The following BRINP3 variants were observed in gnomAD, a reference collection of about 807,000 sequenced individuals.
The protein encoded by BRINP3 is BMP/retinoic acid inducible neural specific 3.
A neutral mutation model predicts 71.0 loss-of-function variants in BRINP3; 19 were observed. The observed-to-expected ratio is 0.27, with a 90% CI of 0.19 to 0.39. The LOEUF (loss-of-function observed/expected upper bound fraction) is 0.39, where lower values mean the gene tolerates loss of function less well. Ranked by LOEUF, BRINP3 falls within the 10% of genes least tolerant of loss-of-function variation. The pLI is 1.00. For missense variants in BRINP3, 959 were observed against 940.8 expected, an observed-to-expected ratio of 1.02 and a Z score of -0.25; for synonymous variants, 380 against 337.7, an observed-to-expected ratio of 1.13 and a Z score of -1.37.
intron 2 of BRINP3, among the ~76,000 whole-genome samples, chr1:190,320,560 T>C (rs1666172081): frequency 1.3e-5 from 2 of 152,038 alleles, no homozygotes; most frequent in South Asian, 2.1e-4. Flanking sequence ...AACTCACTTA[T>C]TCCTATTTAG....
chr1:190,149,508 C>A, intron 7 of BRINP3, among the ~76,000 whole-genome samples: 1 of 151,994 alleles, frequency 6.6e-6, no homozygotes, highest in African/African-American at 2.4e-5. Context: ...GTATTTAGAT[C>A]ATAATCAGGT....
chr1:190,450,243 ACAC>A (rs1217895007), intron 2 of BRINP3, among the ~76,000 whole-genome samples: 1 of 152,152 alleles, frequency 6.6e-6, no homozygotes, highest in East Asian at 1.9e-4. Flanking sequence ...GATGGTAATG[ACAC>A]AGCTCCCTTC....
At chr1:190,345,016 A>G (rs1667918778) in intron 2 of BRINP3, among the ~76,000 whole-genome samples, 3 of 151,918 alleles carry the variant, frequency 2.0e-5, no homozygotes, top group Non-Finnish European at 4.4e-5. Flanking sequence ...ACTGTCACAA[A>G]TGATTAATAA....
At chr1:190,225,030 G>A (rs1398723451) in intron 6 of BRINP3, among the ~76,000 whole-genome samples, 1 of 151,966 alleles carries the variant, frequency 6.6e-6, no homozygotes, top group Non-Finnish European at 1.5e-5. Context: ...ACTGTTGGTG[G>A]AAATATAGAT....
rs1353622451 is a variant in BRINP3 at position 190,454,758 on chromosome 1, C to T, written c.133G>A (p.Asp45Asn). ...VSDQHATSPF[D>N]WLLSDKGPFH... ...GGTCCCTTATCAGAGAGGAGCCAGT[C>T]GAAGGGGCTTGTGGCATGCTGATCC... is the stretch of plus-strand genomic sequence containing the variant. The change falls in exon 2 of 8, where the codon GAC becomes AAC. Residue 45 changes from aspartate (D) to asparagine (N), a missense_variant. Coordinates refer to ENST00000367462, the MANE Select transcript of BRINP3 (RefSeq NM_199051.3). The T allele has an allele frequency of 1.2e-6, 2 of 1,614,126 alleles. No individual in the cohort carries two copies. The highest frequency in any genetic ancestry group is 1.1e-5 in the South Asian group (1 of 91,078).
chr1:190,435,010 T>A (rs1386716403), intron 2 of BRINP3, among the ~76,000 whole-genome samples: 1 of 152,138 alleles, frequency 6.6e-6, no homozygotes, highest in Admixed American at 6.6e-5. Flanking sequence ...ATGATGTCCT[T>A]GATTATTTTA....
chr1:190,220,792 T>A (rs1042259236), intron 6 of BRINP3, among the ~76,000 whole-genome samples: 2 of 152,118 alleles, frequency 1.3e-5, no homozygotes, highest in Non-Finnish European at 2.9e-5. Flanking sequence ...CTCTTCAGTC[T>A]GAAAGTAAAA....
intron 6 of BRINP3, among the ~76,000 whole-genome samples, chr1:190,213,835 C>T (rs1415945964): frequency 6.6e-6 from 1 of 151,980 alleles, no homozygotes; most frequent in Non-Finnish European, 1.5e-5. Context: ...GTGGGTGTGG[C>T]TATTGGCATA....
chr1:190,269,303 G>C (rs973599748), intron 3 of BRINP3, among the ~76,000 whole-genome samples: 5 of 152,040 alleles, frequency 3.3e-5, no homozygotes, highest in African/African-American at 1.2e-4. Context: ...TTAGAGACAT[G>C]ATTATTTAAT....
At chr1:190,165,459 TTTGTG>T (rs1651429679) in intron 6 of BRINP3, among the ~76,000 whole-genome samples, 2 of 108,404 alleles carry the variant, frequency 1.8e-5, no homozygotes, top group East Asian at 2.4e-4. Flanking sequence ...TTTTTTTTTT[TTTGTG>T]TGTGTGTGTG....
At chr1:190,108,462 C>G (rs1319237561) in intron 7 of BRINP3, among the ~76,000 whole-genome samples, 1 of 151,514 alleles carries the variant, frequency 6.6e-6, no homozygotes, top group Admixed American at 6.6e-5. Flanking sequence ...AAAATGTGGT[C>G]CTGTTTCACA....
intron 2 of BRINP3, among the ~76,000 whole-genome samples, chr1:190,447,543 AAT>A (rs993776911): frequency 4.1e-5 from 6 of 146,434 alleles, no homozygotes; most frequent in East Asian, 2.0e-4. Flanking sequence ...ATATATATAA[AAT>A]ATATATATAT....
At chr1:190,455,220 C>G (rs1675905944) in intron 1 of BRINP3, among the ~76,000 whole-genome samples, 1 of 151,912 alleles carries the variant, frequency 6.6e-6, no homozygotes, top group South Asian at 2.1e-4. Flanking sequence ...GAGCAAAAAT[C>G]AGAAGTTGAA....
At chr1:190,405,572 C>T (rs1672231299) in intron 2 of BRINP3, among the ~76,000 whole-genome samples, 1 of 141,784 alleles carries the variant, frequency 7.1e-6, no homozygotes, top group Non-Finnish European at 1.5e-5. Flanking sequence ...GCTGCAAGAT[C>T]ACAGAGAATG....
At chr1:190,457,781 C>A (rs1676102309) in intron 1 of BRINP3, among the ~76,000 whole-genome samples, 1 of 152,014 alleles carries the variant, frequency 6.6e-6, no homozygotes. Context: ...AAGTAGGATA[C>A]AGTTGACCTA....
intron 4 of BRINP3, among the ~76,000 whole-genome samples, chr1:190,259,231 C>T (rs530493698): frequency 5.1e-4 from 77 of 150,512 alleles, no homozygotes; most frequent in Admixed American, 1.3e-3. Context: ...TATAGGCATA[C>T]CAATCCTCAG....
At chr1:190,332,794 A>T (rs1016678395) in intron 2 of BRINP3, among the ~76,000 whole-genome samples, 3 of 152,030 alleles carry the variant, frequency 2.0e-5, no homozygotes, top group African/African-American at 7.2e-5. Flanking sequence ...TTCTCTGAAT[A>T]AAAACATAAG....
At chr1:190,164,187 G>A (rs1171513969) in intron 6 of BRINP3, among the ~76,000 whole-genome samples, 1 of 152,040 alleles carries the variant, frequency 6.6e-6, no homozygotes, top group Non-Finnish European at 1.5e-5. Context: ...AGTTAATTGT[G>A]TACTTTCAAA....
At chr1:190,119,273 TTTATTA>T (rs141834144) in intron 7 of BRINP3, among the ~76,000 whole-genome samples, 4 of 150,072 alleles carry the variant, frequency 2.7e-5, no homozygotes, top group East Asian at 2.0e-4. Flanking sequence ...TTATTTTTAT[TTTATTA>T]TTATTATTAT....
Sources: gnomAD v4.1 joint callset for allele counts (sites outside exome capture counted in the v4.1 genomes callset) on GRCh38, gnomAD v4.1.1 for gene constraint, MANE v1.5 for transcripts, NCBI Gene and HGNC (gene_info 2026-07-23, HGNC 2026-07-21) for gene names.